C12orf50: variants seen among roughly 807,000 people sequenced by gnomAD.
C12orf50 encodes zinc finger CCCH-type containing 11D.
Under a neutral mutation model 61.6 loss-of-function variants are expected in C12orf50, and 35 were observed. The ratio of observed to expected loss-of-function variants is 0.57; its 90% confidence interval spans 0.43 to 0.75. The LOEUF is 0.75. Among genes scored for constraint, C12orf50 ranks in the 30% least tolerant of loss-of-function variants. The probability of loss-of-function intolerance (pLI) is 0.00; values close to 1 mark genes in which losing one functional copy is unlikely to be tolerated. For missense variants in C12orf50, 475 were observed against 488.5 expected, an observed-to-expected ratio of 0.97 and a Z score of 0.26; for synonymous variants, 178 against 161.5, an observed-to-expected ratio of 1.10 and a Z score of -0.77.
At chr12:87,997,973 C>A in intron 4 of C12orf50, 62 bp downstream of exon 4, 1 of 1,355,844 alleles carries the variant, frequency 7.4e-7, no homozygotes, top group South Asian at 1.4e-5. Context: ...CAGTTAAACA[C>A]ATATGTAAAA....
intron 1 of C12orf50, chr12:88,029,084 T>TA: frequency 1.6e-6 from 2 of 1,286,470 alleles, no homozygotes; most frequent in Non-Finnish European, 1.0e-6. Flanking sequence ...CATGTGGAAT[T>TA]AAAAAAGAAA....
At chr12:88,013,710 T>C (rs879545371) in intron 3 of C12orf50, among the ~76,000 whole-genome samples, 2 of 152,226 alleles carry the variant, frequency 1.3e-5, no homozygotes, top group Admixed American at 1.3e-4. Flanking sequence ...GAAGAATACA[T>C]GGACAGCTGG....
At chr12:88,028,107 T>C (rs1255807242) in intron 1 of C12orf50, 1 of 152,224 alleles carries the variant, frequency 6.6e-6, no homozygotes, top group African/African-American at 2.4e-5. Flanking sequence ...AATGATGTGA[T>C]ATAAGGTATT....
At chr12:87,991,607 G>A (rs2031124477) in intron 7 of C12orf50, among the ~76,000 whole-genome samples, 1 of 152,056 alleles carries the variant, frequency 6.6e-6, no homozygotes, top group Admixed American at 6.6e-5. Flanking sequence ...CCAGACAAAA[G>A]AGAAAGTCAA....
chr12:87,980,052 T>G lies in C12orf50; in HGVS notation c.*279A>C, dbSNP rs2030379381. 7.7e-6 allele frequency: 3 copies of G among 391,648 alleles called. No homozygotes were observed. In the Admixed American group the frequency reaches 1.3e-4, roughly 17 times the overall value. The allele number at this position is 391,648 out of a possible 1,614,324, so 24.3% of individuals were successfully genotyped here. ...AAGAATGATTTTAATTGTCAAACTT[T>G]TAAATTTTATTAAAATGTTTGGAGT... On this transcript the variant is annotated 3_prime_UTR_variant, in exon 13 of 13. Coordinates refer to ENST00000298699, the MANE Select transcript of C12orf50 (RefSeq NM_152589.3).
intron 7 of C12orf50, among the ~76,000 whole-genome samples, chr12:87,989,655 T>C (rs1322046387): frequency 6.6e-6 from 1 of 152,070 alleles, no homozygotes; most frequent in East Asian, 1.9e-4. Context: ...AGTCCCACCC[T>C]TTAGAGATAC....
At chr12:88,007,492 G>A (rs2031929554) in intron 3 of C12orf50, among the ~76,000 whole-genome samples, 1 of 152,170 alleles carries the variant, frequency 6.6e-6, no homozygotes, top group Non-Finnish European at 1.5e-5. Context: ...GGCAGGCTTG[G>A]TCTCTATTGA....
intron 12 of C12orf50, among the ~76,000 whole-genome samples, chr12:87,982,518 G>A (rs2030542161): frequency 6.6e-6 from 1 of 152,122 alleles, no homozygotes; most frequent in African/African-American, 2.4e-5. Flanking sequence ...ACCAGCCCAG[G>A]AGAGTCTGGG....
intron 11 of C12orf50, chr12:87,985,178 A>G (rs1390086403): frequency 6.6e-6 from 1 of 152,184 alleles, no homozygotes; most frequent in Non-Finnish European, 1.5e-5. Flanking sequence ...ACTTAGAAAA[A>G]TACAAACATG....
chr12:88,003,983 C>T (rs11104717), intron 3 of C12orf50, among the ~76,000 whole-genome samples: 12,508 of 151,686 alleles, frequency 0.082, 570 homozygotes, highest in African/African-American at 0.096. Flanking sequence ...GTATAATCTC[C>T]GTTGATTTAT....
chr12:87,983,175 A>G lies in C12orf50; in HGVS notation c.1147T>C (p.Tyr383His). Residue 383 changes from tyrosine (Y) to histidine (H), a missense_variant, in exon 12 of 13, where the codon TAT becomes CAT. Tyr to His is a moderately conservative substitution (Grantham distance 83). Coordinates refer to ENST00000298699, the MANE Select transcript of C12orf50 (RefSeq NM_152589.3). ...CGTTTTCGCCAGGCTGAATCATTATATGATGTTGACGTATATTTGTCTGAG... is the reference window on the plus strand; with the variant it reads ...CGTTTTCGCCAGGCTGAATCATTATGTGATGTTGACGTATATTTGTCTGAG... ...LSPDKYTSTS[Y>H]NDSAWRKRIP... 1 of 1,601,148 alleles carries G rather than the reference A, an allele frequency of 6.2e-7. No individual in the cohort carries two copies. The highest frequency in any genetic ancestry group is 8.5e-7 in the Non-Finnish European group (1 of 1,172,500).
chr12:87,987,786 C>T (rs2030901394), intron 9 of C12orf50, 64 bp downstream of exon 9: 2 of 1,060,310 alleles, frequency 1.9e-6, no homozygotes, highest in African/African-American at 1.6e-5. Context: ...TTTAAATAAG[C>T]AAAACAAATC....
chr12:88,027,738 C>T (rs2032758602), intron 1 of C12orf50: 1 of 152,136 alleles, frequency 6.6e-6, no homozygotes, highest in Admixed American at 6.6e-5. Context: ...CTTAAAAATT[C>T]TATGTTCTTT....
At chr12:87,988,113 T>G in intron 8 of C12orf50, 147 bp from the exon 9 acceptor site, 1 of 423,636 alleles carries the variant, frequency 2.4e-6, no homozygotes, top group East Asian at 3.7e-5. Flanking sequence ...AAAGCATCAT[T>G]AACATTCCCT....
At chr12:88,012,703 A>C (rs1226479726) in intron 3 of C12orf50, among the ~76,000 whole-genome samples, 2 of 152,206 alleles carry the variant, frequency 1.3e-5, no homozygotes, top group African/African-American at 2.4e-5. Context: ...ATTAGGAGGA[A>C]ATAAATGAAC....
chr12:88,019,530 A>G (rs2032436209), intron 3 of C12orf50, among the ~76,000 whole-genome samples: 1 of 152,202 alleles, frequency 6.6e-6, no homozygotes. Flanking sequence ...CTAACAGGGC[A>G]CTAGATCAAA....
chr12:87,995,183 A>G (rs1207922835), intron 6 of C12orf50, among the ~76,000 whole-genome samples: 1 of 152,176 alleles, frequency 6.6e-6, no homozygotes, highest in African/African-American at 2.4e-5. Context: ...GCATTTCTGG[A>G]TAATTTTCTT....
At chr12:88,029,614 A>T (rs2032826925), upstream of C12orf50, among the ~76,000 whole-genome samples, 1 of 152,182 alleles carries the variant, frequency 6.6e-6, no homozygotes, top group Non-Finnish European at 1.5e-5. Flanking sequence ...TATGGACTAT[A>T]AACTAGTTTA....
intron 3 of C12orf50, among the ~76,000 whole-genome samples, chr12:88,011,070 A>G (rs940064312): frequency 6.6e-6 from 1 of 152,120 alleles, no homozygotes; most frequent in African/African-American, 2.4e-5. Flanking sequence ...TCATGTCACT[A>G]TGATCAACTT....
Sources: allele counts gnomAD v4.1 joint callset (sites outside exome capture counted in the v4.1 genomes callset), GRCh38; gene constraint gnomAD v4.1.1; transcripts MANE v1.5; gene names NCBI Gene and HGNC (gene_info 2026-07-23, HGNC 2026-07-21).